The following DACH1 variants were observed in gnomAD, a reference collection of about 807,000 sequenced individuals.
DACH1 encodes dachshund family transcription factor 1, also known as dachshund homolog 1.
DACH1 carries 12 observed loss-of-function variants against 54.2 expected under a neutral mutation model. The ratio of observed to expected loss-of-function variants is 0.22; its 90% CI spans 0.14 to 0.36. DACH1 has a LOEUF of 0.36. DACH1 is among the 10% of genes least tolerant of loss of function. The pLI is 1.00. For missense variants in DACH1, 805 were observed against 929.8 expected, an observed-to-expected ratio of 0.87 and a Z score of 1.75; for synonymous variants, 386 against 366.2, an observed-to-expected ratio of 1.05 and a Z score of -0.62.
Position 71,818,289 on chromosome 13 carries a change from C to T in DACH1, c.848+47633G>A, listed in dbSNP as rs187215092. Among the ~76,000 whole-genome samples, 136 of 152,196 alleles carry T rather than the reference C, an allele frequency of 8.9e-4. 2 individuals carry two copies. The highest frequency in any genetic ancestry group is 3.2e-3 in the African/African-American group (131 of 41,520). On this transcript the variant is annotated intron_variant, in intron 1 of 10. Transcript: ENST00000613252. ...GGCCTGATAGAAAGTATGCTGGGTG[C>T]AAGTGTGCTTTCACTAGGTTGTCTG...
intron 6 of DACH1, among the ~76,000 whole-genome samples, chr13:71,525,966 T>G (rs1187554052): frequency 6.6e-6 from 1 of 152,160 alleles, no homozygotes; most frequent in Non-Finnish European, 1.5e-5. Context: ...TGTTAAATGC[T>G]AAGAACTTAG....
chr13:71,833,913 A>T (rs1235150341), intron 1 of DACH1, among the ~76,000 whole-genome samples: 1 of 152,096 alleles, frequency 6.6e-6, no homozygotes, highest in Admixed American at 6.6e-5. Flanking sequence ...GATATTTAAA[A>T]TTCAAGTACA....
intron 10 of DACH1, among the ~76,000 whole-genome samples, chr13:71,444,112 A>C (rs1874240740): frequency 6.6e-6 from 1 of 152,150 alleles, no homozygotes; most frequent in Admixed American, 6.6e-5. Context: ...ATATTATAAA[A>C]ATAAACAGAA....
rs1419343531 is a variant in DACH1 at position 71,557,165 on chromosome 13, T to C, written c.1436-7A>G. 2 of 1,595,856 alleles carry C rather than the reference T, an allele frequency of 1.3e-6. No individual in the cohort carries two copies. Among genetic ancestry groups the C allele is most frequent in the African/African-American group, 1.4e-5 (1 of 73,564 alleles). On this transcript the variant is annotated splice_region_variant and splice_polypyrimidine_tract_variant and intron_variant, in intron 5 of 10. Coordinates refer to ENST00000613252, the MANE Select transcript of DACH1 (RefSeq NM_080759.6). ...AACCCATTCTGATGGACCGCTATTA[T>C]GGCCCAAAAGAAAACAAACAAAACA...
At chr13:71,528,453 A>T (rs1489497551) in intron 6 of DACH1, among the ~76,000 whole-genome samples, 3 of 111,484 alleles carry the variant, frequency 2.7e-5, no homozygotes, top group African/African-American at 6.8e-5. Flanking sequence ...TTTGAGACTG[A>T]GTCTCGCTCT....
chr13:71,675,130 A>C, intron 2 of DACH1: 1 of 1,582,886 alleles, frequency 6.3e-7, no homozygotes, highest in Non-Finnish European at 8.7e-7. Context: ...GTAACTGGCT[A>C]CAAAAGCCGC....
rs1873883802 is a variant in DACH1, at chr13:71,440,122, TTTGAAA to T, written c.*527_*532del. On this transcript the variant is annotated 3_prime_UTR_variant, in exon 11 of 11. Coordinates refer to ENST00000613252, the MANE Select transcript of DACH1 (RefSeq NM_080759.6). The stretch of plus-strand genomic sequence containing the variant: ...CAGGAGAAAACCCACAATTAGAGAG[TTTGAAA>T]TTGAATGTAACAGAAAATCACTCTT... 6.6e-6 allele frequency: 1 copy of T among 152,064 alleles called. No homozygotes were observed. The highest frequency in any genetic ancestry group is 2.1e-4 in the South Asian group (1 of 4,816). 9.4% of individuals were successfully genotyped at this position (152,064 alleles called of 1,614,324 possible). A position where few individuals can be genotyped will look rare whatever the true frequency, so the allele number is the denominator to read the frequency against.
intron 1 of DACH1, among the ~76,000 whole-genome samples, chr13:71,852,023 C>T (rs1873701888): frequency 6.6e-6 from 1 of 152,196 alleles, no homozygotes; most frequent in African/African-American, 2.4e-5. Flanking sequence ...GAGTATGTTT[C>T]ATCAGACATT....
At chr13:71,519,996 C>G (rs1385867663) in intron 6 of DACH1, among the ~76,000 whole-genome samples, 1 of 147,974 alleles carries the variant, frequency 6.8e-6, no homozygotes, top group Non-Finnish European at 1.5e-5. Context: ...TATATGGTCA[C>G]CACCACATTG....
chr13:71,791,442 G>A (rs553553958), intron 1 of DACH1, among the ~76,000 whole-genome samples: 69 of 152,196 alleles, frequency 4.5e-4, no homozygotes, highest in Admixed American at 1.3e-3. Flanking sequence ...GTGCAGTGGC[G>A]CTATCTTGGC....
chr13:71,464,205 C>A (rs1876349700), intron 10 of DACH1, among the ~76,000 whole-genome samples: 1 of 151,526 alleles, frequency 6.6e-6, no homozygotes, highest in South Asian at 2.1e-4. Context: ...AGTATTTCAG[C>A]CATAAAAATA....
chr13:71,565,213 T>C (rs1259293871), intron 4 of DACH1, among the ~76,000 whole-genome samples: 1 of 152,082 alleles, frequency 6.6e-6, no homozygotes, highest in Non-Finnish European at 1.5e-5. Flanking sequence ...AGCCTAAATG[T>C]TATCTTCATA....
intron 6 of DACH1, among the ~76,000 whole-genome samples, chr13:71,527,532 T>G (rs1380227445): frequency 6.6e-6 from 1 of 152,116 alleles, no homozygotes; most frequent in Non-Finnish European, 1.5e-5. Flanking sequence ...CTTATTTGAG[T>G]CTAAGTGACC....
chr13:71,484,437 G>A (rs1445793914), intron 7 of DACH1, among the ~76,000 whole-genome samples: 1 of 152,122 alleles, frequency 6.6e-6, no homozygotes, highest in African/African-American at 2.4e-5. Flanking sequence ...AAAGTGCTGG[G>A]ATTACAGGTA....
intron 1 of DACH1, among the ~76,000 whole-genome samples, chr13:71,717,848 A>G (rs1594132114): frequency 6.6e-6 from 1 of 152,098 alleles, no homozygotes; most frequent in East Asian, 1.9e-4. Context: ...TCGTTTTTTC[A>G]GTCAAAACCA....
chr13:71,864,697 G>C (rs548468710), intron 1 of DACH1, among the ~76,000 whole-genome samples: 2 of 152,226 alleles, frequency 1.3e-5, no homozygotes, highest in African/African-American at 2.4e-5. Context: ...CGCTGTGAAA[G>C]GGGGTGGAAT....
intron 1 of DACH1, among the ~76,000 whole-genome samples, chr13:71,801,478 A>G (rs1306468478): frequency 6.6e-6 from 1 of 152,120 alleles, no homozygotes; most frequent in African/African-American, 2.4e-5. Context: ...CTATCTGAAG[A>G]CTGTCAATCA....
chr13:71,747,121 C>T (rs2137963970), intron 1 of DACH1, among the ~76,000 whole-genome samples: 1 of 151,972 alleles, frequency 6.6e-6, no homozygotes, highest in South Asian at 2.1e-4. Flanking sequence ...TATATAATAT[C>T]TATTTTCTGC....
chr13:71,486,048 A>G (rs1878476397), intron 7 of DACH1, among the ~76,000 whole-genome samples: 1 of 151,876 alleles, frequency 6.6e-6, no homozygotes, highest in Non-Finnish European at 1.5e-5. Flanking sequence ...TTTTCTATAG[A>G]TCTTCTTTTA....
Sources: gnomAD v4.1 joint callset for allele counts (sites outside exome capture counted in the v4.1 genomes callset) on GRCh38, gnomAD v4.1.1 for gene constraint, MANE v1.5 for transcripts, NCBI Gene and HGNC (gene_info 2026-07-23, HGNC 2026-07-21) for gene names.